Variants in ZNF121 observed in about 807,000 individuals in gnomAD.
ZNF121 encodes zinc finger protein 121 (clone ZHC32).
A neutral mutation model predicts 2.4 loss-of-function variants in ZNF121; 1 was observed. The ratio of observed to expected loss-of-function variants is 0.41; its 90% CI spans 0.15 to 1.94. ZNF121 has a LOEUF of 1.94. ZNF121 is among the 30% of genes most tolerant of loss of function. ZNF121 has a pLI of 0.30. For missense variants in ZNF121, 369 were observed against 466.3 expected, an observed-to-expected ratio of 0.79 and a Z score of 1.92; for synonymous variants, 173 against 158.6, an observed-to-expected ratio of 1.09 and a Z score of -0.68.
rs74832020 is a variant in ZNF121 at position 9,561,480 on chromosome 19, T to A, written c.*4460A>T. ...ACAGTAGCTAACTACACCCCATAGA[T>A]TAAGAATTTATGATACATGCTCCTA... On this transcript the variant is annotated 3_prime_UTR_variant, in exon 4 of 4. Coordinates refer to ENST00000320451, the MANE Select transcript of ZNF121 (RefSeq NM_001008727.5). The A allele has an allele frequency of 5.8e-4, 88 of 151,824 alleles. No individual in the cohort carries two copies. The East Asian group carries it at 0.016, about 28-fold the overall frequency. The allele number at this position is 151,824 out of a possible 1,614,324, so 9.4% of individuals were successfully genotyped here. A position where few individuals can be genotyped will look rare whatever the true frequency, so the allele number is the denominator to read the frequency against.
At chr19:9,568,343 C>T (rs2074149141) in intron 2 of ZNF121, among the ~76,000 whole-genome samples, 168 bp from the exon 3 acceptor site, 1 of 151,594 alleles carries the variant, frequency 6.6e-6, no homozygotes, top group Non-Finnish European at 1.5e-5. Flanking sequence ...ATTTGGCAAT[C>T]GTAAGGACTT....
intron 1 of ZNF121, among the ~76,000 whole-genome samples, chr19:9,580,075 G>A (rs939228998): frequency 2.6e-5 from 4 of 151,962 alleles, no homozygotes; most frequent in African/African-American, 4.8e-5. Context: ...GGCGGATCAC[G>A]ACGTCAGGAG....
intron 1 of ZNF121, among the ~76,000 whole-genome samples, chr19:9,582,889 T>G (rs1454865245): frequency 6.6e-6 from 1 of 152,144 alleles, no homozygotes; most frequent in Non-Finnish European, 1.5e-5. Flanking sequence ...ACTACTTTAT[T>G]ACACTAATAC....
Position 9,562,474 on chromosome 19 carries a change from C to G in ZNF121, c.*3466G>C, listed in dbSNP as rs1190620651. The stretch of plus-strand genomic sequence containing the variant: ...CCACCGTGCCCGGCTGCTCTGTGAT[C>G]TTTGATGTTCCTATTTTAATTGTTT... On this transcript the variant is annotated 3_prime_UTR_variant, in exon 4 of 4. Coordinates refer to ENST00000320451, the MANE Select transcript of ZNF121 (RefSeq NM_001008727.5). 2 of 223,706 alleles carry G rather than the reference C, an allele frequency of 8.9e-6. No individual in the cohort carries two copies. Among genetic ancestry groups the G allele is most frequent in the African/African-American group, 4.7e-5 (2 of 42,702 alleles). The allele number at this position is 223,706 out of a possible 1,614,324, so 13.9% of individuals were successfully genotyped here.
intron 1 of ZNF121, among the ~76,000 whole-genome samples, chr19:9,577,142 A>C (rs1165761216): frequency 2.0e-5 from 3 of 152,236 alleles, no homozygotes; most frequent in African/African-American, 7.2e-5. Context: ...AGAGCACAAC[A>C]GCAACAAAAC....
In ZNF121 at chr19:9,561,896, G is replaced by GAA. The variant is rs576203184; in HGVS notation, c.*4042_*4043dup. The GAA allele has an allele frequency of 2.6e-4, 28 of 107,696 alleles. No homozygotes were observed. The highest frequency in any genetic ancestry group is 5.0e-3 in the Middle Eastern group (1 of 200). The allele number at this position is 107,696 out of a possible 1,614,324, so 6.7% of individuals were successfully genotyped here. On this transcript the variant is annotated 3_prime_UTR_variant, in exon 4 of 4. Transcript: ENST00000320451. ...GCAAGACCCCAATGCAGACCAAAAAGAAAAAAAAAAAAAAGGAAAAGAAAA... is the reference window on the plus strand; with the variant it reads ...GCAAGACCCCAATGCAGACCAAAAAGAAAAAAAAAAAAAAAAGGAAAAGAAAA...
chr19:9,583,738 C>G (rs1379050228), intron 1 of ZNF121, among the ~76,000 whole-genome samples: 1 of 152,070 alleles, frequency 6.6e-6, no homozygotes, highest in Non-Finnish European at 1.5e-5. Flanking sequence ...CTCCTGACCT[C>G]AGGTGATCTG....
chr19:9,576,987 GA>G (rs1475858292), intron 1 of ZNF121, among the ~76,000 whole-genome samples: 13 of 152,124 alleles, frequency 8.5e-5, no homozygotes, highest in Non-Finnish European at 1.8e-4. Context: ...GAAAAGCCCA[GA>G]AACTGATGGC....
rs1217719822 is a variant in ZNF121 at position 9,563,217 on chromosome 19, G to T, written c.*2723C>A. The T allele has an allele frequency of 6.6e-6, 1 of 152,124 alleles. No homozygotes were observed. Among genetic ancestry groups the T allele is most frequent in the Non-Finnish European group, 1.5e-5 (1 of 68,040 alleles). 9.4% of individuals were successfully genotyped at this position (152,124 alleles called of 1,614,324 possible). On this transcript the variant is annotated 3_prime_UTR_variant, in exon 4 of 4. Transcript: ENST00000320451. ...CAGCCTCACCACTAACACGGAATAA[G>T]TTTTAGTGGTCTGGATAGAAGATCA...
chr19:9,577,771 A>AG (rs1160942344), intron 1 of ZNF121, among the ~76,000 whole-genome samples: 2 of 151,990 alleles, frequency 1.3e-5, no homozygotes, highest in Admixed American at 6.6e-5. Context: ...TGGAGTGGCC[A>AG]GGTGCAGTGG....
At chr19:9,567,611 A>G in intron 3 of ZNF121, 1 of 275,756 alleles carries the variant, frequency 3.6e-6, no homozygotes, top group Non-Finnish European at 7.5e-6. Flanking sequence ...TATTATTATT[A>G]CATTGTAATA....
rs1365232068 is a variant in ZNF121 at position 9,566,967 on chromosome 19, G to A, written c.146C>T (p.Pro49Leu). Reference protein sequence around the residue: ...YDCDEYGENFPMLHNSAPAGE... With the variant: ...YDCDEYGENFLMLHNSAPAGE... ...AGCAGGGGCACTGTTGTGTAACATG[G>A]GAAAGTTTTCTCCATACTCATCACA... The change falls in exon 4 of 4, where the codon CCC becomes CTC. Residue 49 changes from proline (P) to leucine (L), a missense_variant. Pro to Leu is a moderately conservative substitution (Grantham distance 98). Transcript: ENST00000320451. 1 of 1,614,146 alleles carries A rather than the reference G, an allele frequency of 6.2e-7. No individual in the cohort carries two copies. Among genetic ancestry groups the A allele is most frequent in the Non-Finnish European group, 8.5e-7 (1 of 1,180,024 alleles).
chr19:9,573,080 G>A (rs1255923741), intron 1 of ZNF121, among the ~76,000 whole-genome samples: 4 of 152,114 alleles, frequency 2.6e-5, no homozygotes, highest in Admixed American at 2.6e-4. Flanking sequence ...GACAAAGACT[G>A]TAATAAATAA....
At chr19:9,572,743 C>T (rs1027459860) in intron 1 of ZNF121, among the ~76,000 whole-genome samples, 2 of 152,110 alleles carry the variant, frequency 1.3e-5, no homozygotes, top group African/African-American at 2.4e-5. Flanking sequence ...GTGCTGAAAA[C>T]GAGGCAGTGA....
chr19:9,567,147 T>G (rs764027262), intron 3 of ZNF121, 38 bp from the exon 4 acceptor site: 2 of 1,529,716 alleles, frequency 1.3e-6, no homozygotes, highest in East Asian at 2.3e-5. Flanking sequence ...AAAGGATTTT[T>G]CAGATTTATC....
intron 1 of ZNF121, among the ~76,000 whole-genome samples, chr19:9,578,067 C>A (rs977725326): frequency 6.7e-6 from 1 of 150,176 alleles, no homozygotes; most frequent in Admixed American, 6.7e-5. Flanking sequence ...ATTAGCCTGG[C>A]GTGGTGCCTG....
At position 9,573,971 on chromosome 19, in the gene ZNF121, C is replaced by A. The variant is rs1330427236; in HGVS notation, c.-159-4889G>T. Among the ~76,000 whole-genome samples, 7 of 152,080 alleles carry A rather than the reference C, an allele frequency of 4.6e-5. No homozygotes were observed. In the South Asian group the frequency reaches 1.5e-3, roughly 32 times the overall value. On this transcript the variant is annotated intron_variant, in intron 1 of 3. Transcript: ENST00000320451. ...AAGCCATACTCTCACATCAGCCTCC[C>A]AAGTAACTGTTACTACAAATGTGCA...
chr19:9,565,499 A>ATC lies in ZNF121; in HGVS notation c.*439_*440dup, dbSNP rs1214363424. ...AGCCTGGCCAACATGGTGAAACCCCATCTCTACTAAAAATACAAAAATTAG... is the reference window on the plus strand; with the variant it reads ...AGCCTGGCCAACATGGTGAAACCCCATCTCTCTACTAAAAATACAAAAATTAG... On this transcript the variant is annotated 3_prime_UTR_variant, in exon 4 of 4. Coordinates refer to ENST00000320451, the MANE Select transcript of ZNF121 (RefSeq NM_001008727.5). The ATC allele has an allele frequency of 6.6e-6, 1 of 150,756 alleles. No individual in the cohort carries two copies. The allele number at this position is 150,756 out of a possible 1,614,324, so 9.3% of individuals were successfully genotyped here.
rs890702091 is a variant in ZNF121 at position 9,561,852 on chromosome 19, C to A, written c.*4088G>T. 1.3e-5 allele frequency: 2 copies of A among 151,386 alleles called. No individual in the cohort carries two copies. Among genetic ancestry groups the A allele is most frequent in the East Asian group, 3.9e-4 (2 of 5,144 alleles). The allele number at this position is 151,386 out of a possible 1,614,324, so 9.4% of individuals were successfully genotyped here. On this transcript the variant is annotated 3_prime_UTR_variant, in exon 4 of 4. Coordinates refer to ENST00000320451, the MANE Select transcript of ZNF121 (RefSeq NM_001008727.5). ...TGAGGCATGATCATGCCACCGCACT[C>A]CACACCCTAGGCAACAGAGCAAGAC...
Sources: allele counts gnomAD v4.1 joint callset (sites outside exome capture counted in the v4.1 genomes callset), GRCh38; gene constraint gnomAD v4.1.1; transcripts MANE v1.5; gene names NCBI Gene and HGNC (gene_info 2026-07-23, HGNC 2026-07-21).